DNAH5: variants seen among roughly 807,000 people sequenced by gnomAD.
DNAH5 encodes axonemal beta dynein heavy chain 5.
Under a neutral mutation model 518.2 loss-of-function variants are expected in DNAH5, and 372 were observed. The ratio of observed to expected loss-of-function variants is 0.72; its 90% CI spans 0.66 to 0.78. The LOEUF (loss-of-function observed/expected upper bound fraction) is 0.78, where lower values mean the gene tolerates loss of function less well. Ranked by LOEUF, DNAH5 falls within the 30% of genes least tolerant of loss-of-function variation. The pLI, the probability that DNAH5 is intolerant of heterozygous loss-of-function variation, is 0.00. For missense variants in DNAH5, 5,523 were observed against 5,687.0 expected (o/e 0.97, Z 0.93); for synonymous variants, 2,039 against 2,025.9 (o/e 1.01, Z -0.17).
In DNAH5 at chr5:13,716,670, G is replaced by A; in HGVS notation, c.12726C>T (p.Ile4242=). Residue 4242 remains isoleucine, a synonymous_variant, in exon 74 of 79, where the codon ATC becomes ATT. Transcript: ENST00000265104. ...ATTGAATCTCTCCTATCATGTAGCGGATGGTGGTCCAGGAGACACCCTGGG... is the reference window on the plus strand; with the variant it reads ...ATTGAATCTCTCCTATCATGTAGCGAATGGTGGTCCAGGAGACACCCTGGG... The part of the protein sequence containing the change: ...DVKKGVSWTT[I]RYMIGEIQYG... 6.2e-7 allele frequency: 1 copy of A among 1,613,388 alleles called. No homozygotes were observed. The highest frequency in any genetic ancestry group is 8.5e-7 in the Non-Finnish European group (1 of 1,179,474).
chr5:13,750,394 G>C (rs10041790), intron 65 of DNAH5, among the ~76,000 whole-genome samples: 20 of 152,118 alleles, frequency 1.3e-4, no homozygotes, highest in Middle Eastern at 3.2e-3. Context: ...ATGCTCACTC[G>C]AAAGAAGGAA....
rs747116308 is a variant in DNAH5, at chr5:13,922,231, G to A, written c.536C>T (p.Thr179Met). ...CTCGAGCTCGCCCCAGCCATGGCTC[G>A]TGGCTCTGAGAGCAGGAATGAAGAT... ...SDIFIPALRA[T>M]SHGWGELEGL... is the part of the protein sequence containing the mutation. Residue 179 changes from threonine (T) to methionine (M), a missense_variant, in exon 5 of 79, where the codon ACG becomes ATG. Thr to Met is a moderately conservative substitution (Grantham distance 81). Around this residue, in one of 3 missense-constraint regions of DNAH5, gnomAD observed 5,121 missense variants for 5,223.3 expected, o/e 0.98. Transcript: ENST00000265104. The A allele has an allele frequency of 1.2e-5, 20 of 1,613,888 alleles. No homozygotes were observed. Among genetic ancestry groups the A allele is most frequent in the African/African-American group, 8.0e-5 (6 of 74,876 alleles).
chr5:13,970,541 T>C (rs1781797581), intron 1 of DNAH5, among the ~76,000 whole-genome samples: 1 of 152,180 alleles, frequency 6.6e-6, no homozygotes, highest in Non-Finnish European at 1.5e-5. Flanking sequence ...CTTTTTCATT[T>C]ATGAAACTTA....
chr5:13,923,588 T>A, intron 3 of DNAH5, 148 bp from the exon 4 acceptor site: 2 of 844,544 alleles, frequency 2.4e-6, no homozygotes, highest in Admixed American at 2.1e-5. Context: ...ATCTCTAGCA[T>A]GAGCCGTACA....
At chr5:13,958,904 A>T (rs1457326655) in intron 1 of DNAH5, among the ~76,000 whole-genome samples, 1 of 152,176 alleles carries the variant, frequency 6.6e-6, no homozygotes, top group Non-Finnish European at 1.5e-5. Flanking sequence ...AGCTCCTACA[A>T]TGTTATGTCA....
At chr5:13,897,481 G>A (rs1339943342) in intron 15 of DNAH5, 1 of 152,136 alleles carries the variant, frequency 6.6e-6, no homozygotes, top group African/African-American at 2.4e-5. Flanking sequence ...GATTAAATTG[G>A]CTTCAGAACC....
At chr5:13,992,503 C>T (rs1407888073) in intron 1 of DNAH5, among the ~76,000 whole-genome samples, 1 of 152,208 alleles carries the variant, frequency 6.6e-6, no homozygotes, top group African/African-American at 2.4e-5. Flanking sequence ...GATTTCTTTG[C>T]ACTTCCTAAT....
At chr5:13,734,552 T>C (rs1224635486) in intron 68 of DNAH5, among the ~76,000 whole-genome samples, 1 of 152,102 alleles carries the variant, frequency 6.6e-6, no homozygotes, top group African/African-American at 2.4e-5. Flanking sequence ...CATCACCCAG[T>C]CACTTTGTTT....
At chr5:13,880,731 G>A (rs115820391) in intron 21 of DNAH5, among the ~76,000 whole-genome samples, 297 of 151,698 alleles carry the variant, frequency 2.0e-3, no homozygotes, top group African/African-American at 6.9e-3. Context: ...TATATCACTA[G>A]AGAAAGCTAT....
intron 65 of DNAH5, among the ~76,000 whole-genome samples, chr5:13,740,103 T>G (rs909488955): frequency 6.6e-6 from 1 of 152,112 alleles, no homozygotes; most frequent in Non-Finnish European, 1.5e-5. Flanking sequence ...TGAACCCTGC[T>G]TGGTCACTTT....
At position 13,830,415 on chromosome 5, in the gene DNAH5, CA is replaced by C. The variant is rs34068157; in HGVS notation, c.6061+181del. ...GTAAACACCCAAGATAAAGGAATAT[CA>C]AAAAAAAGTCAGGAGGAAGTAACAT... On this transcript the variant is annotated intron_variant, in intron 36 of 78. Transcript: ENST00000265104. Among the ~76,000 whole-genome samples, 60,462 of 151,534 alleles carry C rather than the reference CA, an allele frequency of 0.4. 12,255 individuals carry two copies. The highest frequency in any genetic ancestry group is 0.61 in the East Asian group (3,131 of 5,134).
At chr5:13,693,469 AGAAGT>A (rs1338483513) in intron 78 of DNAH5, among the ~76,000 whole-genome samples, 1 of 152,268 alleles carries the variant, frequency 6.6e-6, no homozygotes, top group African/African-American at 2.4e-5. Context: ...TTGTATTAGA[AGAAGT>A]GAAACGTTTG....
chr5:13,885,439 A>G (rs1054225460), intron 18 of DNAH5, among the ~76,000 whole-genome samples: 3 of 152,246 alleles, frequency 2.0e-5, no homozygotes, highest in Admixed American at 1.3e-4. Context: ...TGATGGAAGC[A>G]TCTCCTTCTC....
At chr5:13,822,032 T>A (rs897488672) in intron 40 of DNAH5, among the ~76,000 whole-genome samples, 1 of 152,122 alleles carries the variant, frequency 6.6e-6, no homozygotes. Flanking sequence ...TCCCCCAACG[T>A]TGGCCTATCA....
chr5:13,758,509 T>C (rs1046565962), intron 61 of DNAH5, among the ~76,000 whole-genome samples: 19 of 151,930 alleles, frequency 1.3e-4, no homozygotes, highest in African/African-American at 4.4e-4. Context: ...AATAAATAAA[T>C]AAATAAACCC....
In DNAH5 at chr5:13,885,115, C is replaced by G. The variant is rs267600373; in HGVS notation, c.2857G>C (p.Glu953Gln). Residue 953 changes from glutamate (E) to glutamine (Q), a missense_variant, in exon 19 of 79, where the codon GAA (glutamate) becomes CAA (glutamine). Coordinates refer to ENST00000265104, the MANE Select transcript of DNAH5 (RefSeq NM_001369.3). ...RKKKETEMLG[E>Q]EARELLSHFN... ...TGAGAGAGTAACTCGCGGGCTTCTT[C>G]CCCTAACATCTCAGTTTCTTTCTTT... 6.2e-7 allele frequency: 1 copy of G among 1,614,226 alleles called. No individual in the cohort carries two copies. The highest frequency in any genetic ancestry group is 1.1e-5 in the South Asian group (1 of 91,088).
Position 13,885,989 on chromosome 5 carries a change from A to ACTAT in DNAH5, c.2714_2717dup (p.Ser906ArgfsTer2). On this transcript the variant is annotated stop_gained and frameshift_variant, in exon 18 of 79. Coordinates refer to ENST00000265104, the MANE Select transcript of DNAH5 (RefSeq NM_001369.3). LOFTEE classifies it high-confidence loss of function. The stretch of plus-strand genomic sequence containing the variant: ...CTGAACTTTCATTTTTGTAATTAAC[A>ACTAT]CTATTCTCATTGGATATTTTTTCAC... 1 of 1,613,236 alleles carries ACTAT rather than the reference A, an allele frequency of 6.2e-7. No homozygotes were observed. Among genetic ancestry groups the ACTAT allele is most frequent in the Non-Finnish European group, 8.5e-7 (1 of 1,179,830 alleles).
rs546514520 is a variant in DNAH5, at chr5:13,703,746, A to C, written c.13339-2310T>G. Among the ~76,000 whole-genome samples the C allele has an allele frequency of 5.3e-5, 8 of 152,080 alleles. No individual in the cohort carries two copies. The South Asian group carries it at 1.7e-3, about 32-fold the overall frequency. On this transcript the variant is annotated intron_variant, in intron 76 of 78. Transcript: ENST00000265104. ...ACATTCCAAGATCCTTGACCCTCTC[A>C]TTCTCCCCACTCCCAGGAGATAAAG...
chr5:13,929,623 A>G (rs1026342578), intron 2 of DNAH5, among the ~76,000 whole-genome samples: 1 of 152,178 alleles, frequency 6.6e-6, no homozygotes, highest in African/African-American at 2.4e-5. Flanking sequence ...AGGACTCCCC[A>G]AGATTCAATT....
Sources: allele counts gnomAD v4.1 joint callset (sites outside exome capture counted in the v4.1 genomes callset), GRCh38; gene constraint gnomAD v4.1.1; regional missense constraint gnomAD v4.1.1; transcripts MANE v1.5; gene names NCBI Gene and HGNC (gene_info 2026-07-23, HGNC 2026-07-21).